Variants in EFR3B observed in about 807,000 individuals in gnomAD.
The protein encoded by EFR3B is EFR3 homolog B.
EFR3B carries 64 observed loss-of-function variants against 104.7 expected under a neutral mutation model. The ratio of observed to expected loss-of-function variants is 0.61; its 90% CI spans 0.50 to 0.75. The LOEUF (loss-of-function observed/expected upper bound fraction) is 0.75, where lower values mean the gene tolerates loss of function less well. Ranked by LOEUF, EFR3B falls within the 30% of genes least tolerant of loss-of-function variation. The pLI is 0.00. For missense variants in EFR3B, 750 were observed against 1,078.5 expected, an observed-to-expected ratio of 0.70 and a Z score of 4.27; for synonymous variants, 385 against 417.9, an observed-to-expected ratio of 0.92 and a Z score of 0.96.
At chr2:25,116,654 G>A (rs1034990879) in intron 4 of EFR3B, among the ~76,000 whole-genome samples, 1 of 150,566 alleles carries the variant, frequency 6.6e-6, no homozygotes. Context: ...TTGAAGATTC[G>A]AAACTAATAT....
chr2:25,092,128 G>T (rs1258784621), intron 2 of EFR3B, among the ~76,000 whole-genome samples: 1 of 151,868 alleles, frequency 6.6e-6, no homozygotes, highest in African/African-American at 2.4e-5. Context: ...GGGTGCAGTG[G>T]CGCGATCTCG....
At chr2:25,139,455 TC>T (rs1253982332) in intron 16 of EFR3B, among the ~76,000 whole-genome samples, 7 of 152,058 alleles carry the variant, frequency 4.6e-5, no homozygotes, top group Non-Finnish European at 8.8e-5. Context: ...TTCCTGCCCC[TC>T]TGTCTTTCCC....
chr2:25,151,103 C>A (rs1386392981), intron 20 of EFR3B, among the ~76,000 whole-genome samples: 1 of 151,412 alleles, frequency 6.6e-6, no homozygotes, highest in Non-Finnish European at 1.5e-5. Flanking sequence ...ATGTGCGACA[C>A]ACACCCCTTT....
chr2:25,110,682 T>C (rs1369463015), intron 4 of EFR3B, among the ~76,000 whole-genome samples: 1 of 152,144 alleles, frequency 6.6e-6, no homozygotes, highest in Non-Finnish European at 1.5e-5. Flanking sequence ...ATTAAATTAA[T>C]AAACAAGAGA....
chr2:25,083,998 T>C (rs1668880470), intron 1 of EFR3B, among the ~76,000 whole-genome samples: 1 of 152,188 alleles, frequency 6.6e-6, no homozygotes. Flanking sequence ...AACCTATCCC[T>C]GCCCTGGTTT....
intron 6 of EFR3B, among the ~76,000 whole-genome samples, 180 bp from the exon 7 acceptor site, chr2:25,129,795 G>A (rs1445010254): frequency 6.6e-6 from 1 of 152,194 alleles, no homozygotes; most frequent in Non-Finnish European, 1.5e-5. Context: ...ACTTCCCCCA[G>A]TGGGGGCTTC....
At chr2:25,141,462 G>A in intron 17 of EFR3B, 29 bp downstream of exon 17, 1 of 1,549,650 alleles carries the variant, frequency 6.5e-7, no homozygotes, top group Non-Finnish European at 8.7e-7. Context: ...ACGTGGTCAG[G>A]GATCCCCAGG....
chr2:25,154,301 C>T lies in EFR3B; in HGVS notation c.2415C>T (p.Pro805=), dbSNP rs753784448. 38 of 1,551,964 alleles carry T rather than the reference C, an allele frequency of 2.4e-5. No homozygotes were observed. The highest frequency in any genetic ancestry group is 3.3e-4 in the Middle Eastern group (2 of 6,016). The stretch of plus-strand genomic sequence containing the variant: ...GTCAGCCGCAGAACCACTCCATCCC[C>T]GTCTATGAAATGAAGTTTCCCGATC... ...AYGQPQNHSI[P]VYEMKFPDLC... Residue 805 remains proline, a synonymous_variant, in exon 23 of 23, where the codon CCC becomes CCT. Transcript: ENST00000403714. This position sits in a 1 kb window ranked among gnomAD's most constrained non-coding sequence, Gnocchi z 4.1.
intron 1 of EFR3B, among the ~76,000 whole-genome samples, chr2:25,083,326 T>C (rs1466696869): frequency 6.6e-6 from 1 of 152,228 alleles, no homozygotes; most frequent in African/African-American, 2.4e-5. Flanking sequence ...AATTAAATGA[T>C]TCTTTTATAG....
intron 5 of EFR3B, among the ~76,000 whole-genome samples, chr2:25,123,809 CACA>C (rs1670086867): frequency 6.6e-6 from 1 of 152,260 alleles, no homozygotes; most frequent in Non-Finnish European, 1.5e-5. Flanking sequence ...CACACACGCA[CACA>C]TGCACACAGA....
At chr2:25,122,122 A>C (rs534303166) in intron 5 of EFR3B, among the ~76,000 whole-genome samples, 1 of 152,100 alleles carries the variant, frequency 6.6e-6, no homozygotes, top group East Asian at 1.9e-4. Context: ...GTGCACCACC[A>C]CGCCCGGCTA....
At chr2:25,070,482 C>T (rs1668464232) in intron 1 of EFR3B, among the ~76,000 whole-genome samples, 2 of 152,210 alleles carry the variant, frequency 1.3e-5, no homozygotes, top group South Asian at 2.1e-4. Context: ...AGGCTGGTCT[C>T]GAACTCCTGG....
chr2:25,058,101 C>T (rs1046405217), intron 1 of EFR3B: 13 of 152,128 alleles, frequency 8.5e-5, no homozygotes, highest in African/African-American at 2.9e-4. Flanking sequence ...CACTGGAGCC[C>T]AGGAGTTCTG....
intron 4 of EFR3B, among the ~76,000 whole-genome samples, chr2:25,114,000 T>C (rs1669794291): frequency 6.6e-6 from 1 of 152,218 alleles, no homozygotes; most frequent in African/African-American, 2.4e-5. Flanking sequence ...AAACCCCTTC[T>C]TGTAATCATA....
chr2:25,099,316 A>G (rs1238141038), intron 3 of EFR3B, among the ~76,000 whole-genome samples: 1 of 152,092 alleles, frequency 6.6e-6, no homozygotes, highest in Non-Finnish European at 1.5e-5. Context: ...CTGCAGAGCC[A>G]GGAATGGCTG....
chr2:25,060,977 C>T (rs1278691530), intron 1 of EFR3B, among the ~76,000 whole-genome samples: 1 of 151,828 alleles, frequency 6.6e-6, no homozygotes, highest in East Asian at 1.9e-4. Flanking sequence ...AGCCACTGTC[C>T]TGAGTGACAA....
intron 4 of EFR3B, among the ~76,000 whole-genome samples, chr2:25,106,583 G>T (rs997934890): frequency 6.6e-6 from 1 of 151,424 alleles, no homozygotes; most frequent in Non-Finnish European, 1.5e-5. Context: ...AAAGCCTCCC[G>T]AGTAACTGGG....
intron 3 of EFR3B, among the ~76,000 whole-genome samples, chr2:25,100,119 G>A (rs577930570): frequency 4.6e-5 from 7 of 152,124 alleles, no homozygotes; most frequent in Admixed American, 2.0e-4. Flanking sequence ...CAGGAGAATC[G>A]CTTGAACCTG....
In EFR3B at chr2:25,136,340, G is replaced by A. The variant is rs909133840; in HGVS notation, c.1485-183G>A. Reference sequence around the variant, plus strand: ...TGTCTCAAAAAGGAAAAAAGAGAGAGAGATAAAGGGACAAATTCTTGAGAA... The same window carrying A: ...TGTCTCAAAAAGGAAAAAAGAGAGAAAGATAAAGGGACAAATTCTTGAGAA... On this transcript the variant is annotated intron_variant, in intron 13 of 22. Transcript: ENST00000403714. This position sits in a 1 kb window ranked among gnomAD's most constrained non-coding sequence, Gnocchi z 4.0. Among the ~76,000 whole-genome samples, 5 of 152,146 alleles carry A rather than the reference G, an allele frequency of 3.3e-5. No homozygotes were observed. The highest frequency in any genetic ancestry group is 5.9e-5 in the Non-Finnish European group (4 of 68,022).
Sources: allele counts gnomAD v4.1 joint callset (sites outside exome capture counted in the v4.1 genomes callset), GRCh38; gene constraint gnomAD v4.1.1; non-coding constraint Gnocchi (gnomAD v3.1); transcripts MANE v1.5; gene names NCBI Gene and HGNC (gene_info 2026-07-23, HGNC 2026-07-21).